PRKD1: variants seen among roughly 807,000 people sequenced by gnomAD.
PRKD1 encodes protein kinase D1, also known as serine/threonine-protein kinase D1.
A neutral mutation model predicts 95.9 loss-of-function variants in PRKD1; 63 were observed. That is an observed-to-expected ratio of 0.66 (90% CI 0.54 to 0.81). The LOEUF (loss-of-function observed/expected upper bound fraction) is 0.81, where lower values mean the gene tolerates loss of function less well. Among genes scored for constraint, PRKD1 ranks in the 30% least tolerant of loss-of-function variants. The pLI is 0.00. For synonymous variants in PRKD1, 425 were observed against 423.1 expected, an observed-to-expected ratio of 1.00 and a Z score of -0.05; for missense variants, 1,048 against 1,165.3, an observed-to-expected ratio of 0.90 and a Z score of 1.47.
intron 1 of PRKD1, among the ~76,000 whole-genome samples, chr14:29,796,284 T>G (rs2139206291): frequency 6.6e-6 from 1 of 152,310 alleles, no homozygotes; most frequent in South Asian, 2.1e-4. Flanking sequence ...TTAAACTCCC[T>G]AACTCTGGAA....
intron 2 of PRKD1, among the ~76,000 whole-genome samples, chr14:29,700,988 G>GCACA (rs1555337072): frequency 0.08 from 7,230 of 90,542 alleles, 205 homozygotes; most frequent in Middle Eastern, 0.096. Flanking sequence ...GCGCGCGCGC[G>GCACA]CACACACACA....
intron 1 of PRKD1, among the ~76,000 whole-genome samples, chr14:29,893,703 G>A (rs1894019950): frequency 6.6e-6 from 1 of 152,160 alleles, no homozygotes; most frequent in African/African-American, 2.4e-5. Context: ...CTAGCCTTAT[G>A]AATGTCGGTT....
rs532096168 is a variant in PRKD1 at position 29,778,045 on chromosome 14, C to T, written c.265-52371G>A. ...TGAACAACCTGCTCCTGAATGACTA[C>T]TGGGTAGATAACTAAATGAAAGCAG... On this transcript the variant is annotated intron_variant, in intron 1 of 17. Transcript: ENST00000331968. 2.6e-5 allele frequency among the ~76,000 whole-genome samples: 4 copies of T among 152,304 alleles called. No homozygotes were observed. In the East Asian group the frequency reaches 5.8e-4, roughly 22 times the overall value.
intron 1 of PRKD1, among the ~76,000 whole-genome samples, chr14:29,872,656 T>TA (rs535984977): frequency 0.02 from 2,436 of 118,834 alleles, 34 homozygotes; most frequent in East Asian, 0.071. Flanking sequence ...ACTTTGTCTC[T>TA]AAAAAAAAAA....
At chr14:29,902,996 G>A (rs1462019719) in intron 1 of PRKD1, among the ~76,000 whole-genome samples, 1 of 152,196 alleles carries the variant, frequency 6.6e-6, no homozygotes, top group Non-Finnish European at 1.5e-5. Flanking sequence ...ACGTTATAAT[G>A]CCCTATATTC....
In PRKD1 at chr14:29,576,552, G is replaced by T. The variant is rs1156369344; in HGVS notation, c.*686C>A. On this transcript the variant is annotated 3_prime_UTR_variant, in exon 18 of 18. Transcript: ENST00000331968. ...GTTGCTGAGCAGCTGATTTTCCATA[G>T]TACAACAGAGTATTATAAGAAAGAG... The T allele has an allele frequency of 6.5e-6, 1 of 153,232 alleles. No homozygotes were observed. The allele number at this position is 153,232 out of a possible 1,614,324, so 9.5% of individuals were successfully genotyped here. A position where few individuals can be genotyped will look rare whatever the true frequency, so the allele number is the denominator to read the frequency against.
At chr14:29,827,566 G>C (rs1891247191) in intron 1 of PRKD1, among the ~76,000 whole-genome samples, 1 of 152,032 alleles carries the variant, frequency 6.6e-6, no homozygotes, top group South Asian at 2.1e-4. Flanking sequence ...GATATGACTG[G>C]AAAATTACAG....
intron 1 of PRKD1, among the ~76,000 whole-genome samples, chr14:29,740,092 T>G (rs1886919755): frequency 3.3e-5 from 5 of 152,328 alleles, no homozygotes; most frequent in African/African-American, 1.2e-4. Flanking sequence ...GACAGATTAC[T>G]AGTTAGTGAT....
intron 7 of PRKD1, among the ~76,000 whole-genome samples, chr14:29,635,009 G>C (rs957144376): frequency 1.3e-5 from 2 of 151,884 alleles, no homozygotes; most frequent in African/African-American, 4.8e-5. Flanking sequence ...ACTCCAGCCT[G>C]GGTGACAGAG....
intron 1 of PRKD1, among the ~76,000 whole-genome samples, chr14:29,847,715 T>A (rs1323241985): frequency 1.3e-5 from 2 of 152,180 alleles, no homozygotes; most frequent in African/African-American, 4.8e-5. Context: ...CATGCTTCCA[T>A]TGCCTTTCAC....
intron 1 of PRKD1, among the ~76,000 whole-genome samples, chr14:29,758,844 G>T (rs1459567810): frequency 6.6e-6 from 1 of 152,220 alleles, no homozygotes; most frequent in Non-Finnish European, 1.5e-5. Context: ...AAATTTTGGA[G>T]CCTCAGTCTA....
At chr14:29,582,755 C>T (rs1892792699) in intron 16 of PRKD1, among the ~76,000 whole-genome samples, 1 of 152,084 alleles carries the variant, frequency 6.6e-6, no homozygotes, top group South Asian at 2.1e-4. Context: ...GAAAAAAGAG[C>T]CCAACTGGGG....
chr14:29,916,625 C>A (rs941885839), intron 1 of PRKD1, among the ~76,000 whole-genome samples: 5 of 151,588 alleles, frequency 3.3e-5, no homozygotes, highest in African/African-American at 1.2e-4. Flanking sequence ...TAAATAACTG[C>A]GACTCTTGGT....
chr14:29,915,875 T>C (rs1315857835), intron 1 of PRKD1, among the ~76,000 whole-genome samples: 7 of 152,220 alleles, frequency 4.6e-5, no homozygotes, highest in Non-Finnish European at 5.9e-5. Context: ...GCTTTTTACG[T>C]AGTAGCTGTG....
chr14:29,686,912 C>T (rs919486258), intron 2 of PRKD1, among the ~76,000 whole-genome samples: 1 of 152,168 alleles, frequency 6.6e-6, no homozygotes, highest in African/African-American at 2.4e-5. Flanking sequence ...CACTACCTGA[C>T]TGTTAACAAC....
intron 2 of PRKD1, among the ~76,000 whole-genome samples, chr14:29,700,459 T>A (rs1884770448): frequency 6.6e-6 from 1 of 152,196 alleles, no homozygotes; most frequent in South Asian, 2.1e-4. Flanking sequence ...AGAAGCCTAA[T>A]CACTTCTGCT....
At chr14:29,832,375 C>A (rs889213331) in intron 1 of PRKD1, among the ~76,000 whole-genome samples, 4 of 152,152 alleles carry the variant, frequency 2.6e-5, no homozygotes, top group African/African-American at 9.7e-5. Context: ...GTTTATCATG[C>A]ATGCATTTCT....
At chr14:29,636,694 TGGG>T (rs34202762) in intron 6 of PRKD1, among the ~76,000 whole-genome samples, 200 bp from the exon 7 acceptor site, 1 of 152,188 alleles carries the variant, frequency 6.6e-6, no homozygotes, top group African/African-American at 2.4e-5. Context: ...ACTTGTGTCA[TGGG>T]GGTTTGTTGT....
At chr14:29,862,594 G>A (rs1247099752) in intron 1 of PRKD1, among the ~76,000 whole-genome samples, 1 of 152,114 alleles carries the variant, frequency 6.6e-6, no homozygotes, top group Non-Finnish European at 1.5e-5. Flanking sequence ...ATATCTCACT[G>A]TAGTTTGCAT....
Sources: allele counts gnomAD v4.1 joint callset (sites outside exome capture counted in the v4.1 genomes callset), GRCh38; gene constraint gnomAD v4.1.1; transcripts MANE v1.5; gene names NCBI Gene and HGNC (gene_info 2026-07-23, HGNC 2026-07-21).